Variants in FRMD6 observed in about 807,000 individuals in gnomAD.
FRMD6 encodes the protein FERM domain containing 6.
FRMD6 carries 37 observed loss-of-function variants against 73.2 expected under a neutral mutation model. The ratio of observed to expected loss-of-function variants is 0.51; its 90% CI spans 0.39 to 0.66. FRMD6 has a LOEUF of 0.66. FRMD6 is among the 30% of genes least tolerant of loss of function. FRMD6 has a pLI of 0.00. For synonymous variants in FRMD6, 273 were observed against 282.2 expected (o/e 0.97, Z 0.33); for missense variants, 714 against 780.5 (o/e 0.91, Z 1.02).
chr14:51,477,822 C>T, the FRMD6 span, among the ~76,000 whole-genome samples: 12 of 151,902 alleles, frequency 7.9e-5, no homozygotes, highest in Non-Finnish European at 1.3e-4. Flanking sequence ...TCACAGCAAC[C>T]TCTGTCCCTG....
rs535053835 is a variant in FRMD6 at position 51,611,749 on chromosome 14, T to TA, written c.-147+41341dup. Among the ~76,000 whole-genome samples the TA allele has an allele frequency of 1.4e-3, 209 of 152,342 alleles. No individual in the cohort carries two copies. In the Middle Eastern group the frequency reaches 0.017, roughly 12 times the overall value. On this transcript the variant is annotated intron_variant, in intron 2 of 14. Coordinates refer to the FRMD6 transcript ENST00000356218. Reference sequence around the variant, plus strand: ...GAGATCTAAGGTCCTTTTGAACTGTTAATGCTGTCATACTACCAACTTGCT... The same window carrying TA: ...GAGATCTAAGGTCCTTTTGAACTGTTAAATGCTGTCATACTACCAACTTGCT...
chr14:51,554,947 C>T (rs1387139192), intron 1 of FRMD6: 1 of 152,178 alleles, frequency 6.6e-6, no homozygotes, highest in Non-Finnish European at 1.5e-5. Flanking sequence ...TACATGGGAA[C>T]TCTGTGCTAT....
intron 1 of FRMD6, among the ~76,000 whole-genome samples, chr14:51,544,572 C>T (rs1160334221): frequency 3.3e-5 from 5 of 151,738 alleles, no homozygotes; most frequent in African/African-American, 1.2e-4. Flanking sequence ...AATAATTCCT[C>T]ACGTTTGTGT....
intron 1 of FRMD6, among the ~76,000 whole-genome samples, chr14:51,675,413 A>G (rs1361480795): frequency 1.3e-5 from 2 of 151,910 alleles, no homozygotes; most frequent in Non-Finnish European, 2.9e-5. Context: ...CTTTGTTAGG[A>G]TAGAAGTGTC....
In FRMD6 at chr14:51,549,587, TTTTC is replaced by T. The variant is rs1430489108; in HGVS notation, c.-209-20753_-209-20750del. 3.1e-4 allele frequency among the ~76,000 whole-genome samples: 37 copies of T among 117,538 alleles called. 1 individual carries two copies. Among genetic ancestry groups the T allele is most frequent in the South Asian group, 1.6e-3 (5 of 3,140 alleles). 77.1% of individuals were successfully genotyped at this position (117,538 alleles called of 152,430 possible). On this transcript the variant is annotated intron_variant, in intron 1 of 14. Coordinates refer to the FRMD6 transcript ENST00000356218. ...TCCACAGCTGGAGTATAAACTTTTT[TTTTC>T]TTTCTTTTTTTTTTTTTTTTTTTTG...
chr14:51,530,070 C>T (rs1482853392), intron 1 of FRMD6, among the ~76,000 whole-genome samples: 1 of 152,218 alleles, frequency 6.6e-6, no homozygotes, highest in East Asian at 1.9e-4. Flanking sequence ...TGTTGTTAAA[C>T]ACAGCCACTG....
intron 2 of FRMD6, among the ~76,000 whole-genome samples, chr14:51,583,187 G>T (rs991978383): frequency 6.6e-6 from 1 of 152,174 alleles, no homozygotes; most frequent in South Asian, 2.1e-4. Context: ...TGCAGCTGCA[G>T]GGTCTTTATT....
At chr14:51,622,330 C>CAT (rs988799031) in intron 2 of FRMD6, among the ~76,000 whole-genome samples, 2 of 152,112 alleles carry the variant, frequency 1.3e-5, no homozygotes, top group African/African-American at 4.8e-5. Context: ...CCTAATTTTG[C>CAT]ATATATAATT....
chr14:51,449,658 T>G, the FRMD6 span, among the ~76,000 whole-genome samples: 2 of 152,188 alleles, frequency 1.3e-5, no homozygotes, highest in Admixed American at 1.3e-4. Context: ...TTAATTAACT[T>G]TATTATTAAT....
At position 51,689,863 on chromosome 14, in the gene FRMD6, C is replaced by CA. The variant is rs1231167852; in HGVS notation, c.28dup (p.Arg10LysfsTer17). ...TGAACAAATTGAATTTTCATAACAA[C>CA]AGAGTCATGCAAGACCGCCGCAGTG... is the stretch of plus-strand genomic sequence containing the variant. On this transcript the variant is annotated frameshift_variant, in exon 2 of 14. Transcript: ENST00000344768. LOFTEE classifies it high-confidence loss of function. The CA allele has an allele frequency of 6.2e-6, 10 of 1,612,700 alleles. No homozygotes were observed. Among genetic ancestry groups the CA allele is most frequent in the Non-Finnish European group, 8.5e-6 (10 of 1,179,254 alleles).
At chr14:51,649,081 T>C (rs116233380), upstream of FRMD6, among the ~76,000 whole-genome samples, 2,278 of 152,348 alleles carry the variant, frequency 0.015, 25 homozygotes, top group South Asian at 0.019. Context: ...AAACGTTTTC[T>C]GTGATAAGAA....
At chr14:51,569,500 T>G (rs1887979097) in intron 1 of FRMD6, among the ~76,000 whole-genome samples, 1 of 130,334 alleles carries the variant, frequency 7.7e-6, no homozygotes, top group Non-Finnish European at 1.6e-5. Context: ...CTTTTCTTTC[T>G]TTCTTTCTTT....
At chr14:51,623,814 C>T (rs1282573606) in intron 2 of FRMD6, among the ~76,000 whole-genome samples, 1 of 152,152 alleles carries the variant, frequency 6.6e-6, no homozygotes, top group Non-Finnish European at 1.5e-5. Flanking sequence ...TTGTAGTAGA[C>T]ATTCAATACA....
the FRMD6 span, among the ~76,000 whole-genome samples, chr14:51,420,108 G>T: frequency 6.6e-6 from 1 of 152,158 alleles, no homozygotes; most frequent in South Asian, 2.1e-4. Context: ...TGTGCTCTTT[G>T]GTCTGCATGT....
At chr14:51,543,267 A>C (rs771159533) in intron 1 of FRMD6, among the ~76,000 whole-genome samples, 4 of 151,976 alleles carry the variant, frequency 2.6e-5, no homozygotes, top group Non-Finnish European at 5.9e-5. Context: ...AGGTGTATAT[A>C]TGTAAGAGTA....
At chr14:51,648,244 C>T (rs187456946), upstream of FRMD6, among the ~76,000 whole-genome samples, 2 of 152,304 alleles carry the variant, frequency 1.3e-5, no homozygotes, top group South Asian at 2.1e-4. Flanking sequence ...TGAATTACAG[C>T]AGTTCTTATC....
At chr14:51,464,155 A>C in the FRMD6 span, among the ~76,000 whole-genome samples, 1 of 152,194 alleles carries the variant, frequency 6.6e-6, no homozygotes, top group East Asian at 1.9e-4. Context: ...CTCTGCTCCA[A>C]CCTAAAACTC....
intron 1 of FRMD6, among the ~76,000 whole-genome samples, chr14:51,506,020 A>G (rs1381625956): frequency 1.3e-5 from 2 of 152,208 alleles, no homozygotes; most frequent in Non-Finnish European, 2.9e-5. Flanking sequence ...ACAATCTGCC[A>G]TAGCTACAGA....
At chr14:51,440,489 A>G in the FRMD6 span, among the ~76,000 whole-genome samples, 1 of 152,342 alleles carries the variant, frequency 6.6e-6, no homozygotes. Context: ...TGCTGGACCA[A>G]TCAGTTGAAT....
Sources: gnomAD v4.1 joint callset for allele counts (sites outside exome capture counted in the v4.1 genomes callset) on GRCh38, gnomAD v4.1.1 for gene constraint, MANE v1.5 for transcripts, NCBI Gene and HGNC (gene_info 2026-07-23, HGNC 2026-07-21) for gene names.